The following MECOM variants were observed in gnomAD, a reference collection of about 807,000 sequenced individuals.
MECOM encodes the protein MDS1 and EVI1 complex locus.
In MECOM, 13 loss-of-function variants were observed where a neutral mutation model predicts 116.3. That is an observed-to-expected ratio of 0.11 (90% CI 0.07 to 0.18). The LOEUF (loss-of-function observed/expected upper bound fraction) is 0.18. MECOM is among the 10% of genes least tolerant of loss of function. MECOM has a pLI of 1.00. For missense variants in MECOM, 1,299 were observed against 1,509.0 expected, an observed-to-expected ratio of 0.86 and a Z score of 2.31; for synonymous variants, 528 against 535.2, an observed-to-expected ratio of 0.99 and a Z score of 0.19.
In MECOM at chr3:169,550,924, C is replaced by A. The variant is rs1054755128; in HGVS notation, c.37+112412G>T. Among the ~76,000 whole-genome samples the A allele has an allele frequency of 6.0e-4, 58 of 97,016 alleles. 7 individuals carry two copies. The highest frequency in any genetic ancestry group is 1.8e-3 in the African/African-American group (56 of 31,126). 63.6% of individuals were successfully genotyped at this position (97,016 alleles called of 152,430 possible). A position where few individuals can be genotyped will look rare whatever the true frequency, so the allele number is the denominator to read the frequency against. ...CTGCAAGCTCCGCCTCCCGGGTTCACGCCATTCTCCTGCCTCAGCCTCCCA... is the reference window on the plus strand; with the variant it reads ...CTGCAAGCTCCGCCTCCCGGGTTCAAGCCATTCTCCTGCCTCAGCCTCCCA... On this transcript the variant is annotated intron_variant, in intron 1 of 16. Coordinates refer to ENST00000651503, the MANE Select transcript of MECOM (RefSeq NM_004991.4).
intron 1 of MECOM, among the ~76,000 whole-genome samples, chr3:169,594,176 A>AAAAAAAAC (rs1553894631): frequency 0.014 from 1,989 of 139,414 alleles, 145 homozygotes; most frequent in African/African-American, 0.052. Flanking sequence ...AAAAAAAAAA[A>AAAAAAAAC]CACCTTTTCA....
chr3:169,153,651 T>C (rs1380959730), intron 2 of MECOM, among the ~76,000 whole-genome samples: 2 of 152,182 alleles, frequency 1.3e-5, no homozygotes, highest in Non-Finnish European at 2.9e-5. Flanking sequence ...TAAGAGTGCT[T>C]TTAGACTCAT....
intron 1 of MECOM, among the ~76,000 whole-genome samples, chr3:169,487,518 A>G (rs1752544172): frequency 6.6e-6 from 1 of 152,164 alleles, no homozygotes; most frequent in Non-Finnish European, 1.5e-5. Context: ...AGAAAACACA[A>G]ATAGAATGTA....
rs553300673 is a variant in MECOM, at chr3:169,128,961, C to A, written c.614-901G>T. ...TCACAGAAGTCTTGAAAACAGCTCA[C>A]ACTGCTAAAAAATACCCACGGCAAA... On this transcript the variant is annotated intron_variant, in intron 4 of 16. Coordinates refer to ENST00000651503, the MANE Select transcript of MECOM (RefSeq NM_004991.4). Among the ~76,000 whole-genome samples the A allele has an allele frequency of 4.6e-5, 7 of 152,278 alleles. No homozygotes were observed. The East Asian group carries it at 1.4e-3, about 29-fold the overall frequency.
intron 1 of MECOM, among the ~76,000 whole-genome samples, chr3:169,438,287 A>G (rs1259613221): frequency 1.3e-5 from 2 of 152,130 alleles, no homozygotes; most frequent in East Asian, 3.8e-4. Context: ...ATCCTAAATC[A>G]TAAGTATTCA....
At chr3:169,089,763 A>G (rs552820397) in intron 15 of MECOM, among the ~76,000 whole-genome samples, 1 of 152,170 alleles carries the variant, frequency 6.6e-6, no homozygotes, top group African/African-American at 2.4e-5. Flanking sequence ...TTTTCATTTT[A>G]TCTTTCCCAC....
At chr3:169,468,910 T>C (rs923855914) in intron 1 of MECOM, among the ~76,000 whole-genome samples, 1 of 152,222 alleles carries the variant, frequency 6.6e-6, no homozygotes, top group Non-Finnish European at 1.5e-5. Flanking sequence ...GGAATCTGAA[T>C]GCAGACCTTC....
At chr3:169,108,102 A>C in intron 9 of MECOM, 150 bp from the exon 10 acceptor site, 5 of 558,542 alleles carry the variant, frequency 9.0e-6, no homozygotes, top group Non-Finnish European at 6.2e-6. Context: ...TGGAAATAAA[A>C]ATTAAATATT....
chr3:169,619,080 T>G (rs1770373520), intron 1 of MECOM, among the ~76,000 whole-genome samples: 1 of 152,054 alleles, frequency 6.6e-6, no homozygotes, highest in South Asian at 2.1e-4. Flanking sequence ...CAAACCAGAT[T>G]GAAGCTAACA....
At chr3:169,616,082 C>T (rs1166374180) in intron 1 of MECOM, among the ~76,000 whole-genome samples, 4 of 152,146 alleles carry the variant, frequency 2.6e-5, no homozygotes, top group Non-Finnish European at 4.4e-5. Flanking sequence ...AGTAAGAGCT[C>T]AGCTCTGTGG....
intron 2 of MECOM, among the ~76,000 whole-genome samples, chr3:169,258,816 G>A (rs1757184385): frequency 1.3e-5 from 2 of 152,118 alleles, no homozygotes; most frequent in African/African-American, 4.8e-5. Flanking sequence ...GTCACTTGGA[G>A]GTATTTAAGG....
rs1415646457 is a variant in MECOM, at chr3:169,477,457, C to A, written c.38-95933G>T. Reference sequence around the variant, plus strand: ...TATAAAAGAGAATTTTTTTCTGAGTCCCGAAGTCAAGATTGTTATAGGCTG... The same window carrying A: ...TATAAAAGAGAATTTTTTTCTGAGTACCGAAGTCAAGATTGTTATAGGCTG... On this transcript the variant is annotated intron_variant, in intron 1 of 16. Coordinates refer to ENST00000651503, the MANE Select transcript of MECOM (RefSeq NM_004991.4). 2.0e-5 allele frequency among the ~76,000 whole-genome samples: 3 copies of A among 151,930 alleles called. No homozygotes were observed. The East Asian group carries it at 5.8e-4, about 29-fold the overall frequency.
chr3:169,145,973 GC>G (rs1739774471), intron 2 of MECOM: 1 of 218,582 alleles, frequency 4.6e-6, no homozygotes, highest in Non-Finnish European at 9.2e-6. Flanking sequence ...AGAAACGTTT[GC>G]CCCCTGGGTG....
At chr3:169,404,480 C>A (rs1284775220) in intron 1 of MECOM, among the ~76,000 whole-genome samples, 1 of 152,180 alleles carries the variant, frequency 6.6e-6, no homozygotes, top group East Asian at 1.9e-4. Flanking sequence ...TCCAAACAAA[C>A]CCAGCCAAAC....
intron 2 of MECOM, among the ~76,000 whole-genome samples, chr3:169,334,605 G>A (rs1192136130): frequency 3.3e-5 from 5 of 152,068 alleles, no homozygotes; most frequent in Non-Finnish European, 1.5e-5. Context: ...AAATAGTTGA[G>A]GTCAGAGAGG....
At chr3:169,572,597 C>T (rs949332023) in intron 1 of MECOM, among the ~76,000 whole-genome samples, 7 of 152,142 alleles carry the variant, frequency 4.6e-5, no homozygotes, top group African/African-American at 1.7e-4. Context: ...AACCCAAATG[C>T]CCATCAATGA....
intron 2 of MECOM, among the ~76,000 whole-genome samples, chr3:169,168,134 T>C (rs1437340800): frequency 6.6e-6 from 1 of 152,144 alleles, no homozygotes; most frequent in South Asian, 2.1e-4. Context: ...ATCAGTTTTA[T>C]TTAGAAATGC....
chr3:169,502,081 T>C (rs114784259), intron 1 of MECOM, among the ~76,000 whole-genome samples: 1,999 of 152,230 alleles, frequency 0.013, 17 homozygotes, highest in Middle Eastern at 0.037. Context: ...TGATCCTCAT[T>C]GTAGTTATTG....
intron 1 of MECOM, among the ~76,000 whole-genome samples, chr3:169,607,622 G>T (rs150031878): frequency 1.3e-5 from 2 of 152,334 alleles, no homozygotes; most frequent in Admixed American, 6.5e-5. Flanking sequence ...TAATAAGCTG[G>T]CATGGAACAA....
Sources: gnomAD v4.1 joint callset for allele counts (sites outside exome capture counted in the v4.1 genomes callset) on GRCh38, gnomAD v4.1.1 for gene constraint, MANE v1.5 for transcripts, NCBI Gene and HGNC (gene_info 2026-07-23, HGNC 2026-07-21) for gene names.